PTPRK: variants seen among roughly 807,000 people sequenced by gnomAD.
PTPRK encodes protein tyrosine phosphatase receptor type K, also known as receptor-type tyrosine-protein phosphatase kappa.
Under a neutral mutation model 178.0 loss-of-function variants are expected in PTPRK, and 75 were observed. The ratio of observed to expected loss-of-function variants is 0.42; its 90% CI spans 0.35 to 0.51. PTPRK has a LOEUF of 0.51. Ranked by LOEUF, PTPRK falls within the 20% of genes least tolerant of loss-of-function variation. The pLI is 0.02. For synonymous variants in PTPRK, 637 were observed against 620.6 expected (o/e 1.03, Z -0.39); for missense variants, 1,441 against 1,797.8 (o/e 0.80, Z 3.59).
At chr6:128,037,577 T>C (rs1051552439) in intron 13 of PTPRK, among the ~76,000 whole-genome samples, 24 of 152,200 alleles carry the variant, frequency 1.6e-4, no homozygotes, top group African/African-American at 5.5e-4. Flanking sequence ...GGGAAATAAG[T>C]CTAGCATTAT....
intron 6 of PTPRK, among the ~76,000 whole-genome samples, chr6:128,204,296 G>A (rs765891594): frequency 1.6e-4 from 24 of 152,104 alleles, no homozygotes; most frequent in Non-Finnish European, 2.6e-4. Flanking sequence ...AGACTTAAAT[G>A]TAAAACTCAA....
chr6:128,235,517 C>T (rs540904099), intron 5 of PTPRK: 26 of 452,738 alleles, frequency 5.7e-5, no homozygotes, highest in Admixed American at 9.9e-5. Flanking sequence ...TATCATTGAA[C>T]GTTCCTCAGG....
chr6:128,354,489 C>T (rs1405814417), intron 2 of PTPRK, among the ~76,000 whole-genome samples: 2 of 151,968 alleles, frequency 1.3e-5, no homozygotes, highest in African/African-American at 4.8e-5. Context: ...CCCGCCTCGG[C>T]CTCCCAAAGT....
At chr6:128,357,014 C>G (rs1164489231) in intron 2 of PTPRK, among the ~76,000 whole-genome samples, 2 of 152,076 alleles carry the variant, frequency 1.3e-5, no homozygotes, top group African/African-American at 4.8e-5. Flanking sequence ...CATGGTGGAG[C>G]TGGGGTTTGA....
intron 7 of PTPRK, among the ~76,000 whole-genome samples, chr6:128,122,753 A>G (rs572807556): frequency 6.6e-6 from 1 of 152,212 alleles, no homozygotes; most frequent in Non-Finnish European, 1.5e-5. Flanking sequence ...ATATATGTAG[A>G]GCATGCTTAT....
At chr6:128,077,453 T>A (rs1784042518) in intron 11 of PTPRK, among the ~76,000 whole-genome samples, 1 of 152,052 alleles carries the variant, frequency 6.6e-6, no homozygotes. Flanking sequence ...TTATGATTTG[T>A]ATTCTTTTGT....
chr6:128,503,470 T>C (rs921466559), intron 1 of PTPRK, among the ~76,000 whole-genome samples: 2 of 152,180 alleles, frequency 1.3e-5, no homozygotes, highest in Non-Finnish European at 1.5e-5. Context: ...TATTTCTAGA[T>C]CTTCTAAATA....
At chr6:128,446,557 T>C (rs1021919846) in intron 1 of PTPRK, among the ~76,000 whole-genome samples, 2 of 152,224 alleles carry the variant, frequency 1.3e-5, no homozygotes, top group South Asian at 2.1e-4. Context: ...CACTGTTACA[T>C]GTCAATTATG....
intron 1 of PTPRK, among the ~76,000 whole-genome samples, chr6:128,509,045 C>T (rs187463786): frequency 3.9e-5 from 6 of 152,226 alleles, no homozygotes; most frequent in Admixed American, 1.3e-4. Flanking sequence ...GATGAAATCA[C>T]ATGCTGTCTC....
intron 27 of PTPRK, 52 bp downstream of exon 27, chr6:127,976,605 G>C (rs200135545): frequency 6.3e-7 from 1 of 1,599,724 alleles, no homozygotes; most frequent in Non-Finnish European, 8.6e-7. Context: ...ACCACATCTT[G>C]GTTATGACTG....
At chr6:128,281,015 C>T (rs1307845291) in intron 3 of PTPRK, among the ~76,000 whole-genome samples, 9 of 151,828 alleles carry the variant, frequency 5.9e-5, no homozygotes, top group Non-Finnish European at 1.0e-4. Flanking sequence ...TTATTTTGAC[C>T]CTTTAAGAAG....
At chr6:128,217,105 T>C (rs965587479) in intron 6 of PTPRK, among the ~76,000 whole-genome samples, 1 of 152,146 alleles carries the variant, frequency 6.6e-6, no homozygotes, top group Non-Finnish European at 1.5e-5. Flanking sequence ...CCCTGAAGAT[T>C]ACCCAAGGAC....
intron 5 of PTPRK, among the ~76,000 whole-genome samples, chr6:128,222,458 C>T (rs985534719): frequency 2.2e-4 from 33 of 152,160 alleles, no homozygotes; most frequent in African/African-American, 7.2e-4. Flanking sequence ...TATTCACAGA[C>T]CAAATTATCC....
In PTPRK at chr6:128,307,034, A is replaced by T. The variant is rs1416534274; in HGVS notation, c.495+15005T>A. Reference sequence around the variant, plus strand: ...TTTAAAGGATCTAGATGCCAGTTAGATGTAGGGGGAGTAAGAAAGTGTGAG... The same window carrying T: ...TTTAAAGGATCTAGATGCCAGTTAGTTGTAGGGGGAGTAAGAAAGTGTGAG... On this transcript the variant is annotated intron_variant, in intron 3 of 29. Coordinates refer to ENST00000368226, the MANE Select transcript of PTPRK (RefSeq NM_002844.4). 2.0e-5 allele frequency among the ~76,000 whole-genome samples: 3 copies of T among 151,922 alleles called. No individual in the cohort carries two copies. In the East Asian group the frequency reaches 5.8e-4, roughly 29 times the overall value.
intron 2 of PTPRK, among the ~76,000 whole-genome samples, chr6:128,388,951 G>T (rs937756802): frequency 2.6e-5 from 4 of 152,116 alleles, no homozygotes; most frequent in Non-Finnish European, 5.9e-5. Context: ...AATAACTGAG[G>T]TGGGAGGAAC....
chr6:128,157,193 GAATT>G (rs952906820), intron 7 of PTPRK, among the ~76,000 whole-genome samples: 25 of 152,044 alleles, frequency 1.6e-4, no homozygotes, highest in African/African-American at 6.0e-4. Flanking sequence ...CTCCACTAGA[GAATT>G]AATAAGCTTT....
At position 128,194,249 on chromosome 6, in the gene PTPRK, C is replaced by T. The variant is rs188631576; in HGVS notation, c.869-9524G>A. Among the ~76,000 whole-genome samples the T allele has an allele frequency of 3.3e-3, 495 of 151,852 alleles. 2 individuals are homozygous for T. Among genetic ancestry groups the T allele is most frequent in the African/African-American group, 0.011 (472 of 41,410 alleles). Reference sequence around the variant, plus strand: ...TACAGGTGCGTGCCACTATGCCAGGCTAATTTTTCTGTATTTTTCGTACAG... The same window carrying T: ...TACAGGTGCGTGCCACTATGCCAGGTTAATTTTTCTGTATTTTTCGTACAG... On this transcript the variant is annotated intron_variant, in intron 6 of 29. Transcript: ENST00000368226.
intron 2 of PTPRK, among the ~76,000 whole-genome samples, chr6:128,349,377 T>C (rs1264303544): frequency 3.9e-5 from 6 of 152,130 alleles, no homozygotes; most frequent in Non-Finnish European, 8.8e-5. Flanking sequence ...CAATTGCAGA[T>C]GAATGAGAGA....
chr6:128,132,906 C>A (rs1372809819), intron 7 of PTPRK, among the ~76,000 whole-genome samples: 1 of 152,174 alleles, frequency 6.6e-6, no homozygotes, highest in Non-Finnish European at 1.5e-5. Context: ...TAGGTGTCAG[C>A]ATCTTCCATT....
Sources: gnomAD v4.1 joint callset for allele counts (sites outside exome capture counted in the v4.1 genomes callset) on GRCh38, gnomAD v4.1.1 for gene constraint, MANE v1.5 for transcripts, NCBI Gene and HGNC (gene_info 2026-07-23, HGNC 2026-07-21) for gene names.